The following ZNF841 variants were observed in gnomAD, a reference collection of about 807,000 sequenced individuals.
ZNF841 encodes the protein zinc finger protein 841, also known as TCONS_00006091.
ZNF841 carries 11 observed loss-of-function variants against 13.0 expected under a neutral mutation model. The observed-to-expected ratio is 0.85, with a 90% confidence interval of 0.53 to 1.40. ZNF841 has a LOEUF of 1.40. Ranked by LOEUF, ZNF841 falls within the 40% of genes most tolerant of loss-of-function variation. ZNF841 has a pLI of 0.00. For missense variants in ZNF841, 1,068 were observed against 1,139.5 expected, an observed-to-expected ratio of 0.94 and a Z score of 0.90; for synonymous variants, 369 against 381.6, an observed-to-expected ratio of 0.97 and a Z score of 0.38.
At chr19:52,092,151 G>A (rs1767615151) in intron 2 of ZNF841, among the ~76,000 whole-genome samples, 2 of 151,224 alleles carry the variant, frequency 1.3e-5, no homozygotes, top group Non-Finnish European at 1.5e-5. Flanking sequence ...TGGGGGTGGG[G>A]TGGGGGAGGG....
intron 4 of ZNF841, among the ~76,000 whole-genome samples, chr19:52,081,065 C>T (rs1393451301): frequency 6.6e-6 from 1 of 152,152 alleles, no homozygotes; most frequent in Non-Finnish European, 1.5e-5. Flanking sequence ...GGGGATCACC[C>T]TCAGTATATG....
intron 2 of ZNF841, among the ~76,000 whole-genome samples, chr19:52,092,306 C>T (rs1340750876): frequency 2.0e-5 from 3 of 152,068 alleles, no homozygotes; most frequent in Admixed American, 6.5e-5. Context: ...CAGCAAAATA[C>T]CCCAAATAAT....
rs2087622354 is a variant in ZNF841, at chr19:52,067,571, A to G, written c.311T>C (p.Ile104Thr). 6.4e-7 allele frequency: 1 copy of G among 1,563,210 alleles called. No homozygotes were observed. The highest frequency in any genetic ancestry group is 8.6e-7 in the Non-Finnish European group (1 of 1,159,214). Residue 104 changes from isoleucine to threonine, a missense_variant, in exon 7 of 7, where the codon ATA becomes ACA. Transcript: ENST00000594440. Reference sequence around the variant, plus strand: ...TTTTTCTCCTGTGTTACTGTTCTGTATTGGTGGTAATTCCTTGATCACACA... The same window carrying G: ...TTTTTCTCCTGTGTTACTGTTCTGTGTTGGTGGTAATTCCTTGATCACACA... ...PKCVIKELPP[I>T]QNSNTGEKFQ...
In ZNF841 at chr19:52,067,281, C is replaced by A. The variant is rs893065858; in HGVS notation, c.601G>T (p.Ala201Ser). Residue 201 changes from alanine to serine, a missense_variant, in exon 7 of 7, where the codon GCA becomes TCA. Physicochemically the swap from Ala to Ser is moderately conservative, Grantham distance 99 (BLOSUM62 1). Coordinates refer to ENST00000594440, the MANE Select transcript of ZNF841 (RefSeq NM_001136499.2). ...TGATTACATCCATAAATTTTCTCTG[C>A]AGTTTGAAATTTCTGCAATTCACCC... The part of the protein sequence containing the change: ...GLGELQKFQT[A>S]EKIYGCNQIE... 1.3e-6 allele frequency: 2 copies of A among 1,551,558 alleles called. No individual in the cohort carries two copies. Among genetic ancestry groups the A allele is most frequent in the Non-Finnish European group, 1.7e-6 (2 of 1,146,994 alleles).
At chr19:52,060,156 T>C (rs1214929652), downstream of ZNF841, among the ~76,000 whole-genome samples, 1 of 152,238 alleles carries the variant, frequency 6.6e-6, no homozygotes, top group Non-Finnish European at 1.5e-5. Flanking sequence ...TTCATTGCTT[T>C]GCTGGGTGTT....
intron 2 of ZNF841, among the ~76,000 whole-genome samples, chr19:52,090,184 T>G (rs900107643): frequency 1.3e-5 from 2 of 152,086 alleles, no homozygotes; most frequent in African/African-American, 4.8e-5. Flanking sequence ...TGTAATAGCA[T>G]CAAAAGGAAT....
At chr19:52,084,910 G>GT (rs2088220716) in intron 3 of ZNF841, 32 bp from the exon 4 acceptor site, 19 of 1,210,042 alleles carry the variant, frequency 1.6e-5, no homozygotes, top group Admixed American at 4.9e-5. Context: ...TTTAATCCTT[G>GT]GAAACAACAC....
intron 6 of ZNF841, among the ~76,000 whole-genome samples, chr19:52,073,083 T>C (rs1281382792): frequency 1.3e-5 from 2 of 151,872 alleles, no homozygotes; most frequent in Non-Finnish European, 2.9e-5. Flanking sequence ...TCCTTGATAG[T>C]CAAAAAAAAA....
Position 52,065,332 on chromosome 19 carries a change from T to C in ZNF841, c.2550A>G (p.Lys850=), listed in dbSNP as rs773501032. The change falls in exon 7 of 7, where the codon AAA becomes AAG. Residue 850 remains lysine, a synonymous_variant. Transcript: ENST00000594440. ...QRNHTGEKPY[K]CMECGKAFGR... is the part of the protein sequence containing the mutation. ...CAAACGCCTTGCCACATTCCATACA[T>C]TTGTATGGCTTCTCTCCAGTATGGT... 2.5e-6 allele frequency: 4 copies of C among 1,609,618 alleles called. No homozygotes were observed. In the African/African-American group the frequency reaches 5.3e-5, roughly 21 times the overall value.
At chr19:52,059,390 T>TATATATATATATATATACAC in the ZNF841 span, among the ~76,000 whole-genome samples, 5 of 96,358 alleles carry the variant, frequency 5.2e-5, no homozygotes, top group East Asian at 1.1e-3. Context: ...TATATATATA[T>TATATATATATATATATACAC]ACACACACAC....
chr19:52,059,681 G>A (rs1448340119), downstream of ZNF841, among the ~76,000 whole-genome samples: 1 of 152,082 alleles, frequency 6.6e-6, no homozygotes, highest in South Asian at 2.1e-4. Context: ...AGGCATGGTG[G>A]CGTGAGCCTG....
At chr19:52,076,650 C>A (rs972914557) in intron 5 of ZNF841, among the ~76,000 whole-genome samples, 999 of 108,176 alleles carry the variant, frequency 9.2e-3, no homozygotes, top group Middle Eastern at 0.011. Flanking sequence ...GAGACTGTGT[C>A]AAAAAAAAAA....
At chr19:52,089,883 T>C (rs2088415027) in intron 2 of ZNF841, among the ~76,000 whole-genome samples, 1 of 152,106 alleles carries the variant, frequency 6.6e-6, no homozygotes, top group Non-Finnish European at 1.5e-5. Context: ...CCTCCATGCA[T>C]GCATGAACAA....
chr19:52,060,462 G>T (rs190179472), downstream of ZNF841, among the ~76,000 whole-genome samples: 6 of 152,162 alleles, frequency 3.9e-5, no homozygotes, highest in Non-Finnish European at 8.8e-5. Context: ...AACTGCCACC[G>T]CTTGGTTAAG....
Position 52,083,195 on chromosome 19 carries a change from C to A in ZNF841, c.15+1592G>T, listed in dbSNP as rs79283465. On this transcript the variant is annotated intron_variant, in intron 4 of 6. Coordinates refer to ENST00000594440, the MANE Select transcript of ZNF841 (RefSeq NM_001136499.2). ...TGTAAATGCATCTTGACACCTCTCA[C>A]TGACTCTTGCCACAGAACTTACAAT... 1.5e-3 allele frequency among the ~76,000 whole-genome samples: 223 copies of A among 152,176 alleles called. 5 individuals are homozygous for A. The East Asian group carries it at 0.04, about 27-fold the overall frequency.
intron 6 of ZNF841, among the ~76,000 whole-genome samples, 177 bp from the exon 7 acceptor site, chr19:52,067,787 G>C (rs1056005869): frequency 6.6e-6 from 1 of 152,084 alleles, no homozygotes; most frequent in Admixed American, 6.6e-5. Flanking sequence ...TAAAGAAAAA[G>C]TGATTACATG....
Position 52,066,365 on chromosome 19 carries a change from A to G in ZNF841, c.1517T>C (p.Val506Ala), listed in dbSNP as rs566077651. 1.5e-4 allele frequency: 244 copies of G among 1,613,694 alleles called. 1 individual carries two copies. The highest frequency in any genetic ancestry group is 2.0e-4 in the Non-Finnish European group (235 of 1,179,936). The change falls in exon 7 of 7, where the codon GTT (valine) becomes GCT (alanine). Residue 506 changes from valine to alanine, a missense_variant. Val to Ala is a moderately conservative substitution (Grantham distance 64, BLOSUM62 0). Coordinates refer to ENST00000594440, the MANE Select transcript of ZNF841 (RefSeq NM_001136499.2). ...QHSHLAVHQR[V>A]HTGEKPYKCN... The stretch of plus-strand genomic sequence containing the variant: ...TTTGTAAGGTTTCTCTCCAGTATGA[A>G]CTCTCTGATGCACTGCAAGATGTGA...
chr19:52,065,824 A>G lies in ZNF841; in HGVS notation c.2058T>C (p.Phe686=). The change falls in exon 7 of 7, where the codon TTT becomes TTC. Residue 686 remains phenylalanine (F), a synonymous_variant. Coordinates refer to ENST00000594440, the MANE Select transcript of ZNF841 (RefSeq NM_001136499.2). The part of the protein sequence containing the change: ...TGENPYHCNE[F]GEAFIQSSKL... ...TTGAACTTTGGATAAAAGCCTCACC[A>G]AATTCATTACAGTGGTAAGGGTTCT... is the stretch of plus-strand genomic sequence containing the variant. The G allele has an allele frequency of 6.2e-7, 1 of 1,613,560 alleles. No individual in the cohort carries two copies. Among genetic ancestry groups the G allele is most frequent in the East Asian group, 2.2e-5 (1 of 44,874 alleles).
chr19:52,065,301 GC>G lies in ZNF841; in HGVS notation c.2580del (p.Arg861GlyfsTer37), dbSNP rs2087508982. 1.2e-6 allele frequency: 2 copies of G among 1,612,932 alleles called. No homozygotes were observed. The highest frequency in any genetic ancestry group is 1.7e-6 in the Non-Finnish European group (2 of 1,179,376). ...KCMECGKAFG[R>X]RSCLTKHQRI... ...CGTTGGTGTTTAGTGAGGCAAGACC[GC>G]CGCCCAAACGCCTTGCCACATTCCA... On this transcript the variant is annotated frameshift_variant, in exon 7 of 7. Transcript: ENST00000594440. LOFTEE classifies it low-confidence loss of function (END_TRUNC).
Sources: allele counts gnomAD v4.1 joint callset (sites outside exome capture counted in the v4.1 genomes callset), GRCh38; gene constraint gnomAD v4.1.1; transcripts MANE v1.5; gene names NCBI Gene and HGNC (gene_info 2026-07-23, HGNC 2026-07-21).